Variants in ADARB2 observed in about 807,000 individuals in gnomAD.
ADARB2 encodes the protein adenosine deaminase RNA specific B2 (inactive), also known as inactive double-stranded RNA-specific editase B2.
A neutral mutation model predicts 62.2 loss-of-function variants in ADARB2; 25 were observed. The ratio of observed to expected loss-of-function variants is 0.40; its 90% CI spans 0.29 to 0.56. The LOEUF is 0.56. Among genes scored for constraint, ADARB2 ranks in the 20% least tolerant of loss-of-function variants. The pLI is 0.43. For missense variants in ADARB2, 1,071 were observed against 1,077.4 expected, an observed-to-expected ratio of 0.99 and a Z score of 0.08; for synonymous variants, 572 against 500.8, an observed-to-expected ratio of 1.14 and a Z score of -1.90.
chr10:1,346,547 G>A (rs755569650), intron 3 of ADARB2, among the ~76,000 whole-genome samples: 1 of 152,258 alleles, frequency 6.6e-6, no homozygotes, highest in African/African-American at 2.4e-5. Flanking sequence ...TTTGTGGGGA[G>A]GAAGACATAA....
At chr10:1,662,570 G>A (rs1834264116) in intron 1 of ADARB2, among the ~76,000 whole-genome samples, 1 of 152,178 alleles carries the variant, frequency 6.6e-6, no homozygotes, top group African/African-American at 2.4e-5. Context: ...CTTAGTTTGT[G>A]GTAATTTTAC....
intron 1 of ADARB2, among the ~76,000 whole-genome samples, chr10:1,503,938 G>A (rs1187730281): frequency 6.6e-6 from 1 of 152,098 alleles, no homozygotes; most frequent in Non-Finnish European, 1.5e-5. Context: ...GCAGAACCGT[G>A]AGCCATTTAA....
intron 4 of ADARB2, among the ~76,000 whole-genome samples, chr10:1,269,310 G>C (rs1195448276): frequency 1.3e-5 from 2 of 152,150 alleles, no homozygotes; most frequent in Non-Finnish European, 2.9e-5. Flanking sequence ...AAATTGTTCT[G>C]TATGAACCAT....
intron 1 of ADARB2, among the ~76,000 whole-genome samples, chr10:1,660,778 G>A (rs532074749): frequency 4.6e-5 from 7 of 152,282 alleles, no homozygotes; most frequent in African/African-American, 7.2e-5. Flanking sequence ...GTCAGTATAC[G>A]TCTGGCCTTG....
intron 1 of ADARB2, among the ~76,000 whole-genome samples, chr10:1,578,002 C>T (rs1468795554): frequency 6.6e-6 from 1 of 152,208 alleles, no homozygotes; most frequent in Non-Finnish European, 1.5e-5. Flanking sequence ...GCCCTGTGGA[C>T]ACGCTGATCT....
chr10:1,415,523 G>A (rs1832794885), intron 1 of ADARB2, among the ~76,000 whole-genome samples: 2 of 139,142 alleles, frequency 1.4e-5, no homozygotes, highest in African/African-American at 5.1e-5. Flanking sequence ...TCTTCCGCAT[G>A]GTAAGAAATA....
intron 1 of ADARB2, among the ~76,000 whole-genome samples, chr10:1,627,016 G>C (rs372337471): frequency 6.6e-6 from 1 of 151,482 alleles, no homozygotes; most frequent in Non-Finnish European, 1.5e-5. Flanking sequence ...CCTTTTCCCC[G>C]GGCCCCGGCG....
intron 1 of ADARB2, among the ~76,000 whole-genome samples, chr10:1,472,363 C>T (rs1831334897): frequency 6.6e-6 from 1 of 152,048 alleles, no homozygotes; most frequent in Non-Finnish European, 1.5e-5. Context: ...GAGCTCTGTG[C>T]CATAGGGGCG....
intron 5 of ADARB2, chr10:1,240,589 C>T (rs1830909086): frequency 6.6e-6 from 1 of 152,488 alleles, no homozygotes; most frequent in Admixed American, 6.5e-5. Context: ...CCCCAGGACC[C>T]TTGGCAAATG....
intron 2 of ADARB2, among the ~76,000 whole-genome samples, chr10:1,371,301 G>T (rs1196709362): frequency 6.6e-6 from 1 of 152,172 alleles, no homozygotes; most frequent in African/African-American, 2.4e-5. Flanking sequence ...TTCGACGATG[G>T]ATTAAAGACT....
intron 3 of ADARB2, among the ~76,000 whole-genome samples, chr10:1,313,175 T>C (rs1589189287): frequency 6.6e-6 from 1 of 152,176 alleles, no homozygotes. Context: ...TCTCAGGGTC[T>C]TATCTGTGTG....
chr10:1,233,978 C>CTTTTTTTTTTTTTTTT (rs1589160330), intron 5 of ADARB2, 133 bp from the exon 6 acceptor site: 1 of 433,412 alleles, frequency 2.3e-6, no homozygotes, highest in Non-Finnish European at 3.2e-6. Flanking sequence ...TTTTTTTTTC[C>CTTTTTTTTTTTTTTTT]TTTTTTTTTT....
rs1564312485 is a variant in ADARB2, at chr10:1,510,113, T to TTTCTTTCTTTCTTTC, written c.101-130968_101-130954dup. Among the ~76,000 whole-genome samples the TTTCTTTCTTTCTTTC allele has an allele frequency of 1.9e-4, 13 of 67,430 alleles. 1 individual carries two copies. Among genetic ancestry groups the TTTCTTTCTTTCTTTC allele is most frequent in the African/African-American group, 7.9e-4 (12 of 15,114 alleles). The allele number at this position is 67,430 out of a possible 152,430, so 44.2% of individuals were successfully genotyped here. On this transcript the variant is annotated intron_variant, in intron 1 of 9. Coordinates refer to ENST00000381312, the MANE Select transcript of ADARB2 (RefSeq NM_018702.4). Reference sequence around the variant, plus strand: ...TCTCTCTCTTTTCTTTCTTTCTCTCTTTCTTTCTTTCTTTCTTTCTTTCTT... The same window carrying TTTCTTTCTTTCTTTC: ...TCTCTCTCTTTTCTTTCTTTCTCTCTTTCTTTCTTTCTTTCTTCTTTCTTTCTTTCTTTCTTTCTT...
chr10:1,602,227 A>G (rs1833426143), intron 1 of ADARB2, among the ~76,000 whole-genome samples: 1 of 152,164 alleles, frequency 6.6e-6, no homozygotes, highest in African/African-American at 2.4e-5. Flanking sequence ...TGCTGAATGC[A>G]CACCACGGGT....
chr10:1,275,624 A>G (rs1831308525), intron 3 of ADARB2, among the ~76,000 whole-genome samples: 1 of 151,418 alleles, frequency 6.6e-6, no homozygotes, highest in African/African-American at 2.4e-5. Context: ...ATCATTTAAC[A>G]TTAGGTATAT....
intron 1 of ADARB2, among the ~76,000 whole-genome samples, chr10:1,540,691 A>C (rs1236364138): frequency 2.2e-4 from 20 of 92,638 alleles, no homozygotes; most frequent in African/African-American, 7.3e-4. Flanking sequence ...TCCAGACCCC[A>C]CTCAGACGCA....
At chr10:1,576,843 G>A (rs553097725) in intron 1 of ADARB2, among the ~76,000 whole-genome samples, 3 of 131,186 alleles carry the variant, frequency 2.3e-5, no homozygotes, top group African/African-American at 6.4e-5. Flanking sequence ...CGTCAAGTGC[G>A]ATTCAGTCTG....
intron 1 of ADARB2, among the ~76,000 whole-genome samples, chr10:1,470,563 C>G (rs1012702268): frequency 1.3e-5 from 2 of 152,202 alleles, no homozygotes; most frequent in African/African-American, 4.8e-5. Context: ...ATTCTGGGAG[C>G]CCTTTCACAG....
intron 8 of ADARB2, among the ~76,000 whole-genome samples, chr10:1,195,779 A>G (rs767909193): frequency 6.6e-6 from 1 of 152,152 alleles, no homozygotes; most frequent in Non-Finnish European, 1.5e-5. Flanking sequence ...CCCCCGAGCC[A>G]GCAAAGCACA....
Sources: gnomAD v4.1 joint callset for allele counts (sites outside exome capture counted in the v4.1 genomes callset) on GRCh38, gnomAD v4.1.1 for gene constraint, MANE v1.5 for transcripts, NCBI Gene and HGNC (gene_info 2026-07-23, HGNC 2026-07-21) for gene names.